RCAN2: variants seen among roughly 807,000 people sequenced by gnomAD.
RCAN2 encodes calcipressin-2.
A neutral mutation model predicts 23.6 loss-of-function variants in RCAN2; 9 were observed. The ratio of observed to expected loss-of-function variants is 0.38; its 90% CI spans 0.23 to 0.67. The LOEUF (loss-of-function observed/expected upper bound fraction) is 0.67. Among genes scored for constraint, RCAN2 ranks in the 30% least tolerant of loss-of-function variants. RCAN2 has a pLI of 0.51. For missense variants in RCAN2, 273 were observed against 302.3 expected (o/e 0.90, Z 0.72); for synonymous variants, 109 against 115.7 (o/e 0.94, Z 0.37).
chr6:46,402,121 A>T (rs972736368), intron 2 of RCAN2, among the ~76,000 whole-genome samples: 5 of 152,232 alleles, frequency 3.3e-5, no homozygotes, highest in Admixed American at 1.3e-4. Context: ...GAATGTGTGT[A>T]ACTGGAAAGC....
At chr6:46,318,582 T>C (rs1763516732) in intron 2 of RCAN2, among the ~76,000 whole-genome samples, 1 of 152,142 alleles carries the variant, frequency 6.6e-6, no homozygotes, top group South Asian at 2.1e-4. Flanking sequence ...TTCAACTCAC[T>C]TGCCAAGAAT....
chr6:46,429,232 T>C (rs1767118645), intron 2 of RCAN2, among the ~76,000 whole-genome samples: 1 of 152,204 alleles, frequency 6.6e-6, no homozygotes, highest in Non-Finnish European at 1.5e-5. Flanking sequence ...GTATGCTAGA[T>C]ATAAATGAAT....
intron 2 of RCAN2, 98 bp downstream of exon 2, chr6:46,456,654 C>A: frequency 1.1e-6 from 1 of 912,088 alleles, no homozygotes; most frequent in Admixed American, 2.3e-5. Context: ...CTAAACATTT[C>A]CAAAAACTTC....
chr6:46,294,963 T>C (rs76564154), intron 2 of RCAN2, among the ~76,000 whole-genome samples: 1,934 of 152,026 alleles, frequency 0.013, 44 homozygotes, highest in African/African-American at 0.044. Flanking sequence ...AGAAAAACCA[T>C]ATGTAAGGGC....
At chr6:46,418,693 G>GTATA (rs1402938888) in intron 2 of RCAN2, among the ~76,000 whole-genome samples, 8 of 99,604 alleles carry the variant, frequency 8.0e-5, no homozygotes, top group African/African-American at 2.5e-4. Flanking sequence ...ATATGTGTGT[G>GTATA]TGTATATATA....
intron 2 of RCAN2, among the ~76,000 whole-genome samples, chr6:46,367,706 T>C (rs891336289): frequency 1.3e-5 from 2 of 152,240 alleles, no homozygotes; most frequent in African/African-American, 4.8e-5. Flanking sequence ...ATTTTTCTTA[T>C]CTTTGAAACA....
intron 1 of RCAN2, among the ~76,000 whole-genome samples, chr6:46,472,696 A>C (rs184357418): frequency 1.2e-4 from 18 of 152,202 alleles, no homozygotes; most frequent in African/African-American, 4.1e-4. Context: ...CTAGAACTCA[A>C]CATTGTACCA....
intron 2 of RCAN2, among the ~76,000 whole-genome samples, chr6:46,406,282 G>A (rs1040422212): frequency 1.3e-4 from 20 of 152,346 alleles, no homozygotes; most frequent in Non-Finnish European, 4.4e-5. Context: ...AGGAGGCGCC[G>A]AGAGCAAGCG....
At chr6:46,441,555 AGG>A (rs1767547376) in intron 2 of RCAN2, among the ~76,000 whole-genome samples, 1 of 152,194 alleles carries the variant, frequency 6.6e-6, no homozygotes. Context: ...TTGGGGGGAA[AGG>A]TAGGTTTTGA....
chr6:46,264,643 A>C (rs1053443507), intron 2 of RCAN2, among the ~76,000 whole-genome samples: 1 of 152,252 alleles, frequency 6.6e-6, no homozygotes, highest in African/African-American at 2.4e-5. Context: ...TTCAGGACAC[A>C]AGAGACCTGA....
At chr6:46,439,659 C>T (rs1767473115) in intron 2 of RCAN2, among the ~76,000 whole-genome samples, 2 of 152,132 alleles carry the variant, frequency 1.3e-5, no homozygotes, top group Admixed American at 6.6e-5. Context: ...AAAGACAACC[C>T]CACTTGAGCT....
At chr6:46,296,424 G>A (rs1296466820) in intron 2 of RCAN2, among the ~76,000 whole-genome samples, 2 of 152,018 alleles carry the variant, frequency 1.3e-5, no homozygotes, top group African/African-American at 4.8e-5. Flanking sequence ...AATTATGTTA[G>A]CAGAGTGTAA....
chr6:46,333,658 A>C (rs1764055050), intron 2 of RCAN2, among the ~76,000 whole-genome samples: 1 of 152,236 alleles, frequency 6.6e-6, no homozygotes. Context: ...GTTTCTCCAC[A>C]GTATGTGTTT....
chr6:46,325,106 C>T (rs536775118), intron 2 of RCAN2, among the ~76,000 whole-genome samples: 9 of 152,256 alleles, frequency 5.9e-5, no homozygotes, highest in African/African-American at 2.2e-4. Flanking sequence ...GACAAAGATA[C>T]AATATGAGAA....
At chr6:46,440,158 A>G (rs2150421986) in intron 2 of RCAN2, among the ~76,000 whole-genome samples, 1 of 152,324 alleles carries the variant, frequency 6.6e-6, no homozygotes, top group East Asian at 1.9e-4. Context: ...ACTTGAATAC[A>G]CATATCCTCA....
chr6:46,459,100 G>A (rs565016549), intron 1 of RCAN2, among the ~76,000 whole-genome samples: 5 of 152,274 alleles, frequency 3.3e-5, no homozygotes, highest in African/African-American at 4.8e-5. Flanking sequence ...GTTTCACCAC[G>A]TTGGCCAGGC....
intron 2 of RCAN2, among the ~76,000 whole-genome samples, chr6:46,419,358 C>A: frequency 6.6e-6 from 1 of 152,254 alleles, no homozygotes; most frequent in East Asian, 1.9e-4. Context: ...TGAGAACCAC[C>A]GGTTTAGAAG....
intron 2 of RCAN2, among the ~76,000 whole-genome samples, chr6:46,410,627 T>C (rs1284588577): frequency 6.6e-6 from 1 of 152,226 alleles, no homozygotes; most frequent in Non-Finnish European, 1.5e-5. Flanking sequence ...CCTGTTACTA[T>C]TCTAATATTT....
intron 2 of RCAN2, among the ~76,000 whole-genome samples, chr6:46,343,317 G>A (rs1764385697): frequency 6.6e-6 from 1 of 151,502 alleles, no homozygotes; most frequent in South Asian, 2.1e-4. Flanking sequence ...AAACATGAAG[G>A]TAAACCCTTA....
Sources: allele counts gnomAD v4.1 joint callset (sites outside exome capture counted in the v4.1 genomes callset), GRCh38; gene constraint gnomAD v4.1.1; transcripts MANE v1.5; gene names NCBI Gene and HGNC (gene_info 2026-07-23, HGNC 2026-07-21).